INPP4A: variants seen among roughly 807,000 people sequenced by gnomAD.
INPP4A encodes the protein inositol polyphosphate-4-phosphatase type I A.
In INPP4A, 33 loss-of-function variants were observed where a neutral mutation model predicts 119.8. That is an observed-to-expected ratio of 0.28 (90% CI 0.21 to 0.37). INPP4A has a LOEUF of 0.37. INPP4A is among the 10% of genes least tolerant of loss of function. The pLI, the probability that INPP4A is intolerant of heterozygous loss-of-function variation, is 1.00. For synonymous variants in INPP4A, 496 were observed against 500.7 expected, an observed-to-expected ratio of 0.99 and a Z score of 0.12; for missense variants, 956 against 1,289.9, an observed-to-expected ratio of 0.74 and a Z score of 3.97.
At chr2:98,547,861 T>C (rs978785051) in intron 13 of INPP4A, among the ~76,000 whole-genome samples, 1 of 151,654 alleles carries the variant, frequency 6.6e-6, no homozygotes. Flanking sequence ...GCATGTGGGC[T>C]GGGGAGGGTC....
chr2:98,547,488 A>G (rs1223597728), intron 13 of INPP4A, among the ~76,000 whole-genome samples: 3 of 152,218 alleles, frequency 2.0e-5, no homozygotes, highest in Non-Finnish European at 4.4e-5. Flanking sequence ...TTAGATGTGC[A>G]GGAGGCATTG....
intron 1 of INPP4A, among the ~76,000 whole-genome samples, chr2:98,506,031 A>G (rs1209020089): frequency 6.6e-6 from 1 of 152,236 alleles, no homozygotes; most frequent in Non-Finnish European, 1.5e-5. Flanking sequence ...ATGATACAAA[A>G]AAGAATCTGC....
intron 5 of INPP4A, among the ~76,000 whole-genome samples, chr2:98,534,316 G>A (rs1476820942): frequency 6.6e-6 from 1 of 152,228 alleles, no homozygotes; most frequent in East Asian, 1.9e-4. Context: ...TGGGTGGGGA[G>A]GCAGAAATGA....
chr2:98,459,329 T>C (rs534535826), intron 1 of INPP4A, among the ~76,000 whole-genome samples: 13 of 152,212 alleles, frequency 8.5e-5, no homozygotes, highest in Admixed American at 6.5e-4. Flanking sequence ...TTCAGGGAGC[T>C]ATTAGGAGGA....
At chr2:98,499,167 A>G (rs1221693195) in intron 1 of INPP4A, among the ~76,000 whole-genome samples, 1 of 152,202 alleles carries the variant, frequency 6.6e-6, no homozygotes, top group African/African-American at 2.4e-5. Context: ...ACCCTTCTTC[A>G]TATATGTTTG....
chr2:98,472,253 G>T (rs890844203), intron 1 of INPP4A, among the ~76,000 whole-genome samples: 2 of 152,222 alleles, frequency 1.3e-5, no homozygotes. Context: ...TGGGGGAAGG[G>T]CACAAGGTAC....
chr2:98,545,967 AG>A lies in INPP4A; in HGVS notation c.951del. 6.3e-7 allele frequency: 1 copy of A among 1,576,308 alleles called. No individual in the cohort carries two copies. Among genetic ancestry groups the A allele is most frequent in the Admixed American group, 1.8e-5 (1 of 55,322 alleles). On this transcript the variant is annotated splice_acceptor_variant, in intron 11 of 24. Transcript: ENST00000409851. LOFTEE classifies it high-confidence loss of function. ...TTTATCTTCTCCTATTCCATTTCTT[AG>A]GGCCCTCGTTTAAAGCAAGCAGTTT...
chr2:98,466,041 GTTTTTTGT>G (rs1344759076), intron 1 of INPP4A, among the ~76,000 whole-genome samples: 2 of 151,848 alleles, frequency 1.3e-5, no homozygotes, highest in African/African-American at 4.8e-5. Context: ...GTTTTGTTTT[GTTTTTTGT>G]TTTTTTGTTT....
At position 98,554,232 on chromosome 2, in the gene INPP4A, G is replaced by A; in HGVS notation, c.1348-39G>A. 6.5e-7 allele frequency: 1 copy of A among 1,527,194 alleles called. No individual in the cohort carries two copies. The highest frequency in any genetic ancestry group is 8.9e-7 in the Non-Finnish European group (1 of 1,124,418). 94.6% of individuals were successfully genotyped at this position (1,527,194 alleles called of 1,614,324 possible). ...TAAGGCAGGGGCCTCCCCAGCCCCT[G>A]GCCTGGGCTCAGCAGCCTTGGTTTG... is the stretch of plus-strand genomic sequence containing the variant. On this transcript the variant is annotated intron_variant, in intron 14 of 24. Transcript: ENST00000409851. This position sits in a 1 kb window ranked among gnomAD's most constrained non-coding sequence, Gnocchi z 4.7.
chr2:98,510,348 C>T (rs772258961), intron 1 of INPP4A, among the ~76,000 whole-genome samples: 31 of 152,154 alleles, frequency 2.0e-4, no homozygotes, highest in African/African-American at 5.3e-4. Flanking sequence ...AAGGCTGGAA[C>T]GGTCTGGGCT....
At chr2:98,474,163 T>C (rs546449243) in intron 1 of INPP4A, among the ~76,000 whole-genome samples, 1 of 152,226 alleles carries the variant, frequency 6.6e-6, no homozygotes, top group Non-Finnish European at 1.5e-5. Flanking sequence ...GGTTTTGATT[T>C]CAGCCTCCCA....
rs1036256715 is a variant in INPP4A, at chr2:98,463,494, T to C, written c.-166+18409T>C. ...ACGTTGCACGTACATTTTGGAGTCA[T>C]GTTGGTTGGTGGTCTTCAGTTTCTG... On this transcript the variant is annotated intron_variant, in intron 1 of 24. Coordinates refer to ENST00000409851, the MANE Select transcript of INPP4A (RefSeq NM_001134225.2). Among the ~76,000 whole-genome samples, 3 of 152,344 alleles carry C rather than the reference T, an allele frequency of 2.0e-5. 1 individual carries two copies. The South Asian group carries it at 6.2e-4, about 32-fold the overall frequency.
In INPP4A at chr2:98,590,405, CCT is replaced by C. The variant is rs1238085377; in HGVS notation, c.*2798_*2799del. 1 of 187,444 alleles carries C rather than the reference CCT, an allele frequency of 5.3e-6. No homozygotes were observed. Among genetic ancestry groups the C allele is most frequent in the African/African-American group, 2.3e-5 (1 of 42,746 alleles). 11.6% of individuals were successfully genotyped at this position (187,444 alleles called of 1,614,324 possible). A position where few individuals can be genotyped will look rare whatever the true frequency, so the allele number is the denominator to read the frequency against. On this transcript the variant is annotated 3_prime_UTR_variant, in exon 25 of 25. Transcript: ENST00000409851. ...ACCAGGTCCCAATCCTGGTTCTGCC[CCT>C]GACTGGCTGGTGACTCTGAGCAAGT...
intron 1 of INPP4A, among the ~76,000 whole-genome samples, chr2:98,495,063 A>T (rs1681658528): frequency 6.6e-6 from 1 of 152,232 alleles, no homozygotes; most frequent in Non-Finnish European, 1.5e-5. Flanking sequence ...CAGCCAAGTC[A>T]TTGAAAAAAT....
At chr2:98,507,881 C>T (rs756049886) in intron 1 of INPP4A, among the ~76,000 whole-genome samples, 3 of 152,180 alleles carry the variant, frequency 2.0e-5, no homozygotes, top group South Asian at 2.1e-4. Context: ...CCCTGCACAG[C>T]GTCCTGGCTG....
At chr2:98,507,559 A>G (rs1455750852) in intron 1 of INPP4A, among the ~76,000 whole-genome samples, 2 of 152,072 alleles carry the variant, frequency 1.3e-5, no homozygotes, top group Admixed American at 1.3e-4. Context: ...TGAAGCCCCC[A>G]TGCTACAACG....
rs114546155 is a variant in INPP4A at position 98,577,896 on chromosome 2, C to T, written c.2786+753C>T. On this transcript the variant is annotated intron_variant, in intron 24 of 24. Coordinates refer to ENST00000409851, the MANE Select transcript of INPP4A (RefSeq NM_001134225.2). Reference sequence around the variant, plus strand: ...GTAGTCACCAATGCTGTTAAAGTCTCGTTTCCAACAGTCACTTCTACTAAA... The same window carrying T: ...GTAGTCACCAATGCTGTTAAAGTCTTGTTTCCAACAGTCACTTCTACTAAA... Among the ~76,000 whole-genome samples, 948 of 152,324 alleles carry T rather than the reference C, an allele frequency of 6.2e-3. 5 individuals carry two copies. Among genetic ancestry groups the T allele is most frequent in the South Asian group, 0.029 (141 of 4,826 alleles).
At position 98,566,292 on chromosome 2, in the gene INPP4A, C is replaced by T; in HGVS notation, c.2420+123C>T. 5 of 1,078,384 alleles carry T rather than the reference C, an allele frequency of 4.6e-6. No homozygotes were observed. The South Asian group carries it at 7.3e-5, about 16-fold the overall frequency. The allele number at this position is 1,078,384 out of a possible 1,614,324, so 66.8% of individuals were successfully genotyped here. A position where few individuals can be genotyped will look rare whatever the true frequency, so the allele number is the denominator to read the frequency against. On this transcript the variant is annotated intron_variant, in intron 21 of 24. Transcript: ENST00000409851. The surrounding 1 kb of genome is among the most constrained non-coding windows in gnomAD (Gnocchi z 4.2). ...CTTTGTCATCCTTCCTTCCTTTGGC[C>T]AACATTTTCATCATGGCCGTGCACC...
chr2:98,565,595 A>G (rs750140936), intron 19 of INPP4A, 45 bp from the exon 20 acceptor site: 1 of 1,569,952 alleles, frequency 6.4e-7, no homozygotes, highest in South Asian at 1.2e-5. Flanking sequence ...TGGGGAGAGT[A>G]GCAGGGCCCT....
Sources: allele counts gnomAD v4.1 joint callset (sites outside exome capture counted in the v4.1 genomes callset), GRCh38; gene constraint gnomAD v4.1.1; non-coding constraint Gnocchi (gnomAD v3.1); transcripts MANE v1.5; gene names NCBI Gene and HGNC (gene_info 2026-07-23, HGNC 2026-07-21).